PCDHA12: variants seen among roughly 807,000 people sequenced by gnomAD.
PCDHA12 encodes the protein protocadherin alpha 12, also known as protocadherin alpha-12.
In PCDHA12, 44 loss-of-function variants were observed where a neutral mutation model predicts 60.0. That is an observed-to-expected ratio of 0.73 (90% CI 0.58 to 0.94). PCDHA12 has a LOEUF of 0.94. Ranked by LOEUF, PCDHA12 falls within the 40% of genes least tolerant of loss-of-function variation. The probability of loss-of-function intolerance (pLI) is 0.00; values close to 1 mark genes in which losing one functional copy is unlikely to be tolerated. For missense variants in PCDHA12, 1,276 were observed against 1,239.7 expected (o/e 1.03, Z -0.44); for synonymous variants, 569 against 553.0 (o/e 1.03, Z -0.40).
At chr5:140,900,369 CTGGGT>C (rs1554189090) in intron 1 of PCDHA12, among the ~76,000 whole-genome samples, 2 of 152,158 alleles carry the variant, frequency 1.3e-5, no homozygotes, top group Non-Finnish European at 2.9e-5. Flanking sequence ...CCTCTGCCTC[CTGGGT>C]TCAAGCGATT....
At chr5:140,921,202 C>T (rs528515993) in intron 1 of PCDHA12, among the ~76,000 whole-genome samples, 20 of 151,968 alleles carry the variant, frequency 1.3e-4, no homozygotes, top group African/African-American at 3.6e-4. Context: ...AGATTGACAA[C>T]GATAATTCAC....
At chr5:140,883,763 G>T (rs782611304) in intron 1 of PCDHA12, 4 of 1,612,740 alleles carry the variant, frequency 2.5e-6, no homozygotes, top group Non-Finnish European at 3.4e-6. Flanking sequence ...GGAGCGGCGG[G>T]TGGGCGAGCG....
intron 1 of PCDHA12, chr5:140,968,346 C>T: frequency 6.2e-7 from 1 of 1,614,090 alleles, no homozygotes. Flanking sequence ...ATTAACAGTG[C>T]CAGTGGCAGC....
chr5:141,009,729 G>A lies in PCDHA12; in HGVS notation c.2618G>A (p.Gly873Asp). 6.2e-7 allele frequency: 1 copy of A among 1,614,168 alleles called. No homozygotes were observed. The highest frequency in any genetic ancestry group is 8.5e-7 in the Non-Finnish European group (1 of 1,180,028). The change falls in exon 4 of 4, where the codon GGT (glycine) becomes GAT (aspartate). Residue 873 changes from glycine to aspartate, a missense_variant. Physicochemically the swap from Gly to Asp is moderately conservative, Grantham distance 94. Transcript: ENST00000398631. ...GGCAACCCCAAACAATCCGGTCCCG[G>A]TGAGTTGCCCGACAAATTCATTATC... ...GPGNPKQSGP[G>D]ELPDKFIIPG...
chr5:140,966,452 C>T, intron 1 of PCDHA12: 1 of 425,890 alleles, frequency 2.3e-6, no homozygotes, highest in South Asian at 9.0e-5. Flanking sequence ...TTTCCCCCTC[C>T]CCCTCTGTCT....
intron 1 of PCDHA12, among the ~76,000 whole-genome samples, chr5:140,887,924 G>C (rs782008714): frequency 6.6e-5 from 10 of 152,026 alleles, no homozygotes; most frequent in Admixed American, 6.6e-4. Context: ...TCATTTCAGA[G>C]ACCATATTTA....
At chr5:140,883,760 C>T (rs199864330) in intron 1 of PCDHA12, 18 of 1,612,790 alleles carry the variant, frequency 1.1e-5, no homozygotes, top group Non-Finnish European at 1.4e-5. Context: ...GGTGGAGCGG[C>T]GGGTGGGCGA....
intron 1 of PCDHA12, among the ~76,000 whole-genome samples, chr5:140,881,835 G>A (rs1048266615): frequency 2.6e-5 from 4 of 152,124 alleles, no homozygotes; most frequent in Non-Finnish European, 5.9e-5. Context: ...AGTTCTGCAT[G>A]GAATTCTTAC....
intron 1 of PCDHA12, among the ~76,000 whole-genome samples, chr5:140,899,099 A>G (rs1379248424): frequency 6.6e-6 from 1 of 152,162 alleles, no homozygotes; most frequent in African/African-American, 2.4e-5. Context: ...GGCTGAGATA[A>G]TGGGGTTTTC....
At chr5:140,978,716 T>C (rs1317618418) in intron 1 of PCDHA12, among the ~76,000 whole-genome samples, 2 of 152,252 alleles carry the variant, frequency 1.3e-5, no homozygotes, top group African/African-American at 4.8e-5. Flanking sequence ...CTTTACAAGA[T>C]TATTAAATCT....
chr5:140,887,803 C>T (rs2061589449), intron 1 of PCDHA12, among the ~76,000 whole-genome samples: 2 of 152,050 alleles, frequency 1.3e-5, no homozygotes, highest in Admixed American at 1.3e-4. Flanking sequence ...TTATTTTTGT[C>T]CATTTCTTTC....
chr5:140,918,321 T>C (rs1175303192), intron 1 of PCDHA12, among the ~76,000 whole-genome samples: 2 of 152,054 alleles, frequency 1.3e-5, no homozygotes, highest in Non-Finnish European at 2.9e-5. Flanking sequence ...GGTATAAAAT[T>C]ATATTGTCTG....
chr5:140,928,732 A>G, intron 1 of PCDHA12: 1 of 1,614,114 alleles, frequency 6.2e-7, no homozygotes, highest in South Asian at 1.1e-5. Context: ...AATTTCAGCC[A>G]ATATAGGTGA....
At chr5:141,007,507 G>A (rs2098333216) in intron 3 of PCDHA12, among the ~76,000 whole-genome samples, 1 of 151,980 alleles carries the variant, frequency 6.6e-6, no homozygotes, top group Admixed American at 6.6e-5. Flanking sequence ...GGCAGAGACT[G>A]CAGTGAGCTG....
Position 140,999,523 on chromosome 5 carries a change from C to A in PCDHA12, c.2516-10104C>A, listed in dbSNP as rs115576128. On this transcript the variant is annotated intron_variant, in intron 3 of 3. Coordinates refer to ENST00000398631, the MANE Select transcript of PCDHA12 (RefSeq NM_018903.4). ...AACCTACATTTTAAGCATTTTGTTA[C>A]CCCCTGGATATGACAGCCAATGAAG... is the stretch of plus-strand genomic sequence containing the variant. Among the ~76,000 whole-genome samples, 464 of 152,142 alleles carry A rather than the reference C, an allele frequency of 3.0e-3. 6 individuals carry two copies. Among genetic ancestry groups the A allele is most frequent in the Middle Eastern group, 0.01 (3 of 294 alleles).
intron 1 of PCDHA12, among the ~76,000 whole-genome samples, chr5:140,964,891 G>A (rs76642459): frequency 0.016 from 2,494 of 152,302 alleles, 68 homozygotes; most frequent in African/African-American, 0.056. Context: ...AGTGATAGGA[G>A]GCTGGGCGCT....
In PCDHA12 at chr5:140,877,377, C is replaced by A. The variant is rs575601254; in HGVS notation, c.1905C>A (p.Arg635=). 8.1e-6 allele frequency: 13 copies of A among 1,614,008 alleles called. No homozygotes were observed. The South Asian group carries it at 1.1e-4, about 14-fold the overall frequency. ...ACACTGGCGAGATCAGCACGACACG[C>A]ATCCTGGATGAGGCGGACGCTCCGC... ...GLYTGEISTT[R]ILDEADAPRH... The change falls in exon 1 of 4, where the codon CGC becomes CGA. Residue 635 remains arginine, a synonymous_variant. Transcript: ENST00000398631.
At chr5:140,976,454 G>A (rs550788004) in intron 1 of PCDHA12, among the ~76,000 whole-genome samples, 18 of 152,214 alleles carry the variant, frequency 1.2e-4, no homozygotes, top group South Asian at 2.1e-4. Flanking sequence ...GGGAGGCTGG[G>A]GAAGAAGAAT....
At position 140,876,825 on chromosome 5, in the gene PCDHA12, T is replaced by C. The variant is rs200732511; in HGVS notation, c.1353T>C (p.Asn451=). ...TGGAGGTGGCCGACGTGAACGACAA[T>C]GCGCCTGCGTTCGCGCAGCCCGAGT... ...VSVEVADVND[N]APAFAQPEYT... is the part of the protein sequence containing the mutation. Residue 451 remains asparagine (N), a synonymous_variant, in exon 1 of 4, where the codon AAT becomes AAC. Transcript: ENST00000398631. The C allele has an allele frequency of 2.4e-4, 380 of 1,614,056 alleles. 4 individuals carry two copies. The East Asian group carries it at 3.4e-3, about 15-fold the overall frequency.
Sources: gnomAD v4.1 joint callset for allele counts (sites outside exome capture counted in the v4.1 genomes callset) on GRCh38, gnomAD v4.1.1 for gene constraint, MANE v1.5 for transcripts, NCBI Gene and HGNC (gene_info 2026-07-23, HGNC 2026-07-21) for gene names.